The following PTCHD1 variants were observed in gnomAD, a reference collection of about 807,000 sequenced individuals.
PTCHD1 encodes patched domain containing 1.
PTCHD1 carries 3 observed loss-of-function variants against 34.6 expected under a neutral mutation model. The ratio of observed to expected loss-of-function variants is 0.09; its 90% CI spans 0.04 to 0.22. PTCHD1 has a LOEUF of 0.22. Among genes scored for constraint, PTCHD1 ranks in the 10% least tolerant of loss-of-function variants. The probability of loss-of-function intolerance (pLI) is 1.00; values close to 1 mark genes in which losing one functional copy is unlikely to be tolerated. For missense variants in PTCHD1, 504 were observed against 685.5 expected (o/e 0.74, Z 2.96); for synonymous variants, 305 against 283.1 (o/e 1.08, Z -0.77).
intron 1 of PTCHD1, among the ~76,000 whole-genome samples, chrX:23,353,865 C>T (rs1921723377): frequency 9.0e-6 from 1 of 111,626 alleles, no homozygotes; most frequent in African/African-American, 3.3e-5. Context: ...GGGCTAGAAA[C>T]CAAATCAGGA....
Position 23,392,833 on chromosome X carries a change from A to G in PTCHD1, c.1315A>G (p.Ile439Val), listed in dbSNP as rs755597347. 2.1e-5 allele frequency: 26 copies of G among 1,210,754 alleles called. No homozygotes were observed. In the Admixed American group the frequency reaches 5.7e-4, roughly 26 times the overall value. ...CATAGAAAACAATTACCAGCATAGTATCTTCTGTAGAAAAGTCCCAAAGCC... is the reference window on the plus strand; with the variant it reads ...CATAGAAAACAATTACCAGCATAGTGTCTTCTGTAGAAAAGTCCCAAAGCC... The part of the protein sequence containing the change: ...GYIENNYQHS[I>V]FCRKVPKPEA... The change falls in exon 3 of 3, where the codon ATC becomes GTC. Residue 439 changes from isoleucine to valine, a missense_variant. By Grantham distance (29) the Ile-to-Val change is conservative (BLOSUM62 3). Transcript: ENST00000379361.
intron 2 of PTCHD1, among the ~76,000 whole-genome samples, chrX:23,385,705 A>C (rs1041765920): frequency 9.0e-6 from 1 of 111,498 alleles, no homozygotes; most frequent in African/African-American, 3.3e-5. Flanking sequence ...TCAAGAACCA[A>C]AATATAGACA....
intron 1 of PTCHD1, among the ~76,000 whole-genome samples, chrX:23,335,658 GTCC>G (rs1465388108): frequency 8.9e-6 from 1 of 112,159 alleles, no homozygotes; most frequent in Non-Finnish European, 1.9e-5. Flanking sequence ...ACCCCTCCCT[GTCC>G]TCAGTTTTGT....
chrX:23,356,607 CAAATA>C lies in PTCHD1; in HGVS notation c.351+21383_351+21387del, dbSNP rs1160888291. Among the ~76,000 whole-genome samples the C allele has an allele frequency of 2.7e-5, 3 of 111,718 alleles. No homozygotes were observed. In the East Asian group the frequency reaches 8.4e-4, roughly 31 times the overall value. ...CGGTAAATCCCTTCCAGCCTCAAAT[CAAATA>C]AGTCACTGCAGAATATCACATCCAG... is the stretch of plus-strand genomic sequence containing the variant. On this transcript the variant is annotated intron_variant, in intron 1 of 2. Transcript: ENST00000379361.
intron 1 of PTCHD1, among the ~76,000 whole-genome samples, chrX:23,377,956 G>A (rs1485556914): frequency 8.9e-6 from 1 of 112,061 alleles, no homozygotes; most frequent in Non-Finnish European, 1.9e-5. Context: ...ACAACTCTGT[G>A]CATGTTAAAT....
intron 1 of PTCHD1, among the ~76,000 whole-genome samples, chrX:23,369,287 A>G (rs1189149071): frequency 9.0e-6 from 1 of 110,946 alleles, no homozygotes; most frequent in African/African-American, 3.3e-5. Context: ...GCTTTTCTAG[A>G]CTGCTTTGTC....
In PTCHD1 at chrX:23,334,971, G is replaced by A; in HGVS notation, c.96G>A (p.Pro32=). ...ASHPVFFASA[P]VLISILLGAS... is the part of the protein sequence containing the mutation. ...ACCCTGTCTTCTTCGCCTCGGCGCC[G>A]GTGCTCATCTCCATCCTGCTCGGCG... The change falls in exon 1 of 3, where the codon CCG becomes CCA. Residue 32 remains proline, a synonymous_variant. Transcript: ENST00000379361. 1.7e-6 allele frequency: 2 copies of A among 1,209,595 alleles called. No homozygotes were observed. Among genetic ancestry groups the A allele is most frequent in the Admixed American group, 2.2e-5 (1 of 45,985 alleles).
intron 1 of PTCHD1, among the ~76,000 whole-genome samples, chrX:23,374,566 G>A (rs1372857165): frequency 1.8e-5 from 2 of 108,987 alleles, no homozygotes; most frequent in Admixed American, 9.9e-5. Context: ...AAGAGCCAAC[G>A]CCTCCCCAGA....
In PTCHD1 at chrX:23,395,099, T is replaced by A. The variant is rs1888874487; in HGVS notation, c.*914T>A. On this transcript the variant is annotated 3_prime_UTR_variant, in exon 3 of 3. Coordinates refer to ENST00000379361, the MANE Select transcript of PTCHD1 (RefSeq NM_173495.3). Reference sequence around the variant, plus strand: ...TGATGGAGCAAAAGCAGGTGTCTACTTGGACCCAGATATAGTGTCTCCATT... The same window carrying A: ...TGATGGAGCAAAAGCAGGTGTCTACATGGACCCAGATATAGTGTCTCCATT... The A allele has an allele frequency of 8.9e-6, 1 of 112,013 alleles. No homozygotes were observed. The highest frequency in any genetic ancestry group is 3.3e-5 in the African/African-American group (1 of 30,743). 9.2% of individuals were successfully genotyped at this position (112,013 alleles called of 1,213,427 possible). A position where few individuals can be genotyped will look rare whatever the true frequency, so the allele number is the denominator to read the frequency against.
intron 2 of PTCHD1, among the ~76,000 whole-genome samples, chrX:23,381,792 C>T (rs963680355): frequency 1.8e-5 from 2 of 111,942 alleles, no homozygotes; most frequent in Admixed American, 9.5e-5. Context: ...CTCCTGAATT[C>T]GGTCTATTAA....
At chrX:23,379,107 G>A (rs1016889238) in intron 1 of PTCHD1, among the ~76,000 whole-genome samples, 1 of 112,260 alleles carries the variant, frequency 8.9e-6, no homozygotes, top group African/African-American at 3.2e-5. Flanking sequence ...CTCTGCATTT[G>A]GAATTGCACC....
At chrX:23,354,796 C>A (rs1921757028) in intron 1 of PTCHD1, among the ~76,000 whole-genome samples, 1 of 109,204 alleles carries the variant, frequency 9.2e-6, no homozygotes, top group African/African-American at 3.3e-5. Context: ...TGGTCTCGAT[C>A]TCTTGACCTC....
chrX:23,392,044 TTTTTTTCTTTC>T (rs1431083750), intron 2 of PTCHD1, among the ~76,000 whole-genome samples: 5 of 101,828 alleles, frequency 4.9e-5, no homozygotes, highest in Non-Finnish European at 9.8e-5. Flanking sequence ...TTTCTTTCTT[TTTTTTTCTTTC>T]TTTTTTCTTT....
rs1329381411 is a variant in PTCHD1, at chrX:23,394,441, C to CACACACACACAT, written c.*266_*267insATACACACACAC. The CACACACACACAT allele has an allele frequency of 3.1e-6, 1 of 319,179 alleles. No individual in the cohort carries two copies. The highest frequency in any genetic ancestry group is 5.4e-6 in the Non-Finnish European group (1 of 186,287). The allele number at this position is 319,179 out of a possible 1,213,427, so 26.3% of individuals were successfully genotyped here. ...ACACACACACACACACACACACACACACACACACACCCTGGGAGACCTATA... is the reference window on the plus strand; with the variant it reads ...ACACACACACACACACACACACACACACACACACACATACACACACACCCTGGGAGACCTATA... On this transcript the variant is annotated 3_prime_UTR_variant, in exon 3 of 3. Transcript: ENST00000379361.
chrX:23,364,907 T>C (rs1303697190), intron 1 of PTCHD1, among the ~76,000 whole-genome samples: 3 of 112,583 alleles, frequency 2.7e-5, no homozygotes, highest in Admixed American at 9.4e-5. Context: ...AACAAATGCC[T>C]GCTTCCTTTA....
intron 2 of PTCHD1, among the ~76,000 whole-genome samples, chrX:23,383,013 C>T (rs1282055128): frequency 8.9e-6 from 1 of 112,009 alleles, no homozygotes; most frequent in Non-Finnish European, 1.9e-5. Context: ...ATGTTGCATT[C>T]AAGGCCATCG....
chrX:23,398,315 G>A lies in PTCHD1; in HGVS notation c.*4130G>A, dbSNP rs1923041984. ...AGAATTAGGGCTACAAATACAATGAGTTGCCACAGAAGGTAGTTAATTACC... is the reference window on the plus strand; with the variant it reads ...AGAATTAGGGCTACAAATACAATGAATTGCCACAGAAGGTAGTTAATTACC... On this transcript the variant is annotated 3_prime_UTR_variant, in exon 3 of 3. Transcript: ENST00000379361. 1 of 111,985 alleles carries A rather than the reference G, an allele frequency of 8.9e-6. No homozygotes were observed. Among genetic ancestry groups the A allele is most frequent in the Non-Finnish European group, 1.9e-5 (1 of 53,224 alleles). 9.2% of individuals were successfully genotyped at this position (111,985 alleles called of 1,213,427 possible).
chrX:23,376,555 T>C, intron 1 of PTCHD1, among the ~76,000 whole-genome samples: 1 of 112,458 alleles, frequency 8.9e-6, no homozygotes, highest in Non-Finnish European at 1.9e-5. Context: ...TCAGGTAGCA[T>C]GCGCAGTATA....
upstream of PTCHD1, chrX:23,334,771 CCGCCGCGGG>C (rs1921106721): frequency 4.6e-6 from 1 of 217,252 alleles, no homozygotes. Flanking sequence ...GCCGTCGCCG[CCGCCGCGGG>C]CGCCGCTGCC....
Sources: allele counts gnomAD v4.1 joint callset (sites outside exome capture counted in the v4.1 genomes callset), GRCh38; gene constraint gnomAD v4.1.1; transcripts MANE v1.5; gene names NCBI Gene and HGNC (gene_info 2026-07-23, HGNC 2026-07-21).